Variants in TFB1M observed in about 807,000 individuals in gnomAD.
TFB1M encodes dimethyladenosine transferase 1, mitochondrial.
In TFB1M, 27 loss-of-function variants were observed where a neutral mutation model predicts 31.1. The ratio of observed to expected loss-of-function variants is 0.87; its 90% CI spans 0.64 to 1.20. The LOEUF (loss-of-function observed/expected upper bound fraction) is 1.20, where lower values mean the gene tolerates loss of function less well. Ranked by LOEUF, TFB1M falls within the 50% of genes most tolerant of loss-of-function variation. The pLI, the probability that TFB1M is intolerant of heterozygous loss-of-function variation, is 0.00. For synonymous variants in TFB1M, 166 were observed against 151.8 expected, an observed-to-expected ratio of 1.09 and a Z score of -0.69; for missense variants, 394 against 418.7, an observed-to-expected ratio of 0.94 and a Z score of 0.51.
intron 5 of TFB1M, among the ~76,000 whole-genome samples, chr6:155,266,970 CTT>C (rs375412255): frequency 8.5e-4 from 108 of 127,296 alleles, no homozygotes; most frequent in Admixed American, 1.8e-3. Flanking sequence ...ACTTTGCTGC[CTT>C]TTTTTTTTTT....
chr6:155,305,797 G>A (rs1363209215), intron 2 of TFB1M, among the ~76,000 whole-genome samples: 1 of 130,466 alleles, frequency 7.7e-6, no homozygotes, highest in Non-Finnish European at 1.6e-5. Context: ...AATTTTTAGT[G>A]ATCTTGGTTT....
chr6:155,310,536 C>G (rs950817318), intron 2 of TFB1M, among the ~76,000 whole-genome samples: 3 of 152,200 alleles, frequency 2.0e-5, no homozygotes, highest in Non-Finnish European at 1.5e-5. Flanking sequence ...TATATACACT[C>G]TTACCCAGGG....
At chr6:155,244,807 A>G in the TFB1M span, 5 of 1,584,298 alleles carry the variant, frequency 3.2e-6, no homozygotes, top group South Asian at 4.7e-5. Flanking sequence ...ATTTAGGCTT[A>G]AAGTAAAAAT....
At chr6:155,230,074 T>C in the TFB1M span, among the ~76,000 whole-genome samples, 1 of 140,582 alleles carries the variant, frequency 7.1e-6, no homozygotes, top group Admixed American at 7.0e-5. Flanking sequence ...GTGACACCTG[T>C]ACCACCGAGA....
intron 5 of TFB1M, among the ~76,000 whole-genome samples, chr6:155,275,370 GT>G (rs1483931330): frequency 1.3e-5 from 2 of 152,192 alleles, no homozygotes; most frequent in African/African-American, 4.8e-5. Context: ...CATATGTTGA[GT>G]TTTAAAAAGA....
chr6:155,257,261 G>A lies in TFB1M; in HGVS notation c.*575C>T. 2 of 954,114 alleles carry A rather than the reference G, an allele frequency of 2.1e-6. No homozygotes were observed. The highest frequency in any genetic ancestry group is 1.8e-5 in the South Asian group (1 of 56,928). The allele number at this position is 954,114 out of a possible 1,614,324, so 59.1% of individuals were successfully genotyped here. A position where few individuals can be genotyped will look rare whatever the true frequency, so the allele number is the denominator to read the frequency against. On this transcript the variant is annotated 3_prime_UTR_variant, in exon 7 of 7. Transcript: ENST00000367166. ...GTATACATTTTCCCACAAAATGGTTGTAAAGATTTAAGTTATTTTAATTTA... is the reference window on the plus strand; with the variant it reads ...GTATACATTTTCCCACAAAATGGTTATAAAGATTTAAGTTATTTTAATTTA...
At chr6:155,253,269 A>G (rs1443453852), downstream of TFB1M, 1 of 516,774 alleles carries the variant, frequency 1.9e-6, no homozygotes, top group Non-Finnish European at 3.4e-6. Flanking sequence ...AATGCCTTTC[A>G]TTGTTTCCTT....
At chr6:155,240,690 CAG>C in the TFB1M span, 1 of 1,612,636 alleles carries the variant, frequency 6.2e-7, no homozygotes, top group Non-Finnish European at 8.5e-7. Context: ...CTTGTGGACA[CAG>C]AGAAGTCCTA....
At chr6:155,249,306 T>C in the TFB1M span, among the ~76,000 whole-genome samples, 4 of 152,208 alleles carry the variant, frequency 2.6e-5, no homozygotes, top group Admixed American at 2.0e-4. Context: ...CAGTCAGTCA[T>C]GTACTGGGGT....
chr6:155,231,192 A>G, the TFB1M span, among the ~76,000 whole-genome samples: 1 of 152,050 alleles, frequency 6.6e-6, no homozygotes, highest in Admixed American at 6.5e-5. Flanking sequence ...TGGTCAGCAG[A>G]TGTTGGTCTC....
chr6:155,260,313 C>T lies in TFB1M; in HGVS notation c.754G>A (p.Val252Ile). 2 of 1,614,230 alleles carry T rather than the reference C, an allele frequency of 1.2e-6. No individual in the cohort carries two copies. Among genetic ancestry groups the T allele is most frequent in the Non-Finnish European group, 1.7e-6 (2 of 1,180,026 alleles). Residue 252 changes from valine to isoleucine, a missense_variant, in exon 6 of 7, where the codon GTA becomes ATA. Around this residue, in one of 3 missense-constraint regions of TFB1M, gnomAD observed 115 missense variants for 144.1 expected, o/e 0.80. Transcript: ENST00000367166. ...CAGTATTTCCTTCGGAACTGAAATA[C>T]ATTCTGAACCACTTTTTCCACCAGC... ...FKLVEKVVQN[V>I]FQFRRKYCHR...
the TFB1M span, among the ~76,000 whole-genome samples, chr6:155,236,294 G>C: frequency 4.6e-5 from 7 of 151,832 alleles, no homozygotes; most frequent in South Asian, 8.3e-4. Flanking sequence ...AGCAGAACGC[G>C]AGCTGTATGA....
At chr6:155,286,761 G>A (rs941439895) in intron 4 of TFB1M, among the ~76,000 whole-genome samples, 3 of 151,248 alleles carry the variant, frequency 2.0e-5, no homozygotes, top group Non-Finnish European at 4.4e-5. Context: ...TGGACTGCCA[G>A]AGGCCAGGAG....
the TFB1M span, chr6:155,247,997 T>C: frequency 1.2e-6 from 2 of 1,613,480 alleles, no homozygotes; most frequent in Non-Finnish European, 1.7e-6. Flanking sequence ...CATCTGCTTG[T>C]AGCTAAAACT....
downstream of TFB1M, chr6:155,251,855 AGT>A: frequency 4.1e-6 from 4 of 984,020 alleles, no homozygotes; most frequent in Non-Finnish European, 6.2e-6. Context: ...ACGTTTGGAG[AGT>A]GTTACTCTGT....
At chr6:155,300,473 T>C (rs1347394449) in intron 2 of TFB1M, among the ~76,000 whole-genome samples, 1 of 152,100 alleles carries the variant, frequency 6.6e-6, no homozygotes, top group Admixed American at 6.5e-5. Context: ...TCTTAATGTA[T>C]AAAACCACAT....
At chr6:155,306,305 G>T (rs1247992359) in intron 2 of TFB1M, among the ~76,000 whole-genome samples, 1 of 152,152 alleles carries the variant, frequency 6.6e-6, no homozygotes, top group East Asian at 1.9e-4. Context: ...TCTGTAAAAA[G>T]TATAATATAC....
chr6:155,291,885 T>A (rs1776942816), intron 4 of TFB1M, among the ~76,000 whole-genome samples: 1 of 152,182 alleles, frequency 6.6e-6, no homozygotes, highest in African/African-American at 2.4e-5. Flanking sequence ...TACACTCAAA[T>A]TATCTGAGAG....
the TFB1M span, chr6:155,232,843 A>G: frequency 1.3e-5 from 2 of 152,192 alleles, no homozygotes; most frequent in Non-Finnish European, 2.9e-5. Flanking sequence ...ATCCTCCCCC[A>G]ACATACTTTT....
Sources: gnomAD v4.1 joint callset for allele counts (sites outside exome capture counted in the v4.1 genomes callset) on GRCh38, gnomAD v4.1.1 for gene constraint, gnomAD v4.1.1 regional missense constraint, MANE v1.5 for transcripts, NCBI Gene and HGNC (gene_info 2026-07-23, HGNC 2026-07-21) for gene names.